Variants in MAML2 observed in about 807,000 individuals in gnomAD.
The protein encoded by MAML2 is mastermind like transcriptional coactivator 2.
MAML2 carries 22 observed loss-of-function variants against 96.1 expected under a neutral mutation model. That is an observed-to-expected ratio of 0.23 (90% CI 0.16 to 0.33). The LOEUF (loss-of-function observed/expected upper bound fraction) is 0.33, where lower values mean the gene tolerates loss of function less well. Ranked by LOEUF, MAML2 falls within the 10% of genes least tolerant of loss-of-function variation. The pLI is 1.00. For synonymous variants in MAML2, 561 were observed against 521.3 expected, an observed-to-expected ratio of 1.08 and a Z score of -1.04; for missense variants, 1,367 against 1,392.4, an observed-to-expected ratio of 0.98 and a Z score of 0.29.
intron 1 of MAML2, among the ~76,000 whole-genome samples, chr11:96,260,388 C>A (rs11828703): frequency 0.015 from 2,352 of 152,308 alleles, 67 homozygotes; most frequent in African/African-American, 0.053. Flanking sequence ...ACTGTCTTAT[C>A]CCTTGGCCGT....
chr11:96,031,640 G>C (rs540905252), intron 2 of MAML2, among the ~76,000 whole-genome samples: 1 of 152,074 alleles, frequency 6.6e-6, no homozygotes, highest in Admixed American at 6.5e-5. Context: ...AGCATGCTTG[G>C]GGTACAGACA....
At chr11:96,263,785 G>A (rs1862784617) in intron 1 of MAML2, among the ~76,000 whole-genome samples, 1 of 152,150 alleles carries the variant, frequency 6.6e-6, no homozygotes, top group African/African-American at 2.4e-5. Flanking sequence ...CAAAGTGGTT[G>A]GTATCATTAA....
intron 4 of MAML2, among the ~76,000 whole-genome samples, chr11:95,984,840 T>TA: frequency 6.6e-6 from 1 of 152,240 alleles, no homozygotes; most frequent in South Asian, 2.1e-4. Context: ...CAGAGCATTT[T>TA]AGACAGTTTT....
At chr11:96,221,365 C>T (rs929041540) in intron 1 of MAML2, among the ~76,000 whole-genome samples, 1 of 152,144 alleles carries the variant, frequency 6.6e-6, no homozygotes, top group Non-Finnish European at 1.5e-5. Context: ...TGGGCCTTTC[C>T]TGTAGTGTGG....
At chr11:96,150,930 A>C (rs1346845801) in intron 1 of MAML2, among the ~76,000 whole-genome samples, 2 of 152,202 alleles carry the variant, frequency 1.3e-5, no homozygotes, top group East Asian at 3.8e-4. Flanking sequence ...ACTTCTTGGC[A>C]ATGCAGCATC....
chr11:96,051,885 C>T (rs143943443), intron 2 of MAML2, among the ~76,000 whole-genome samples: 210 of 152,336 alleles, frequency 1.4e-3, no homozygotes, highest in African/African-American at 4.6e-3. Flanking sequence ...TGACCAGCTT[C>T]CTTGTCCAGT....
rs1168287061 is a variant in MAML2, at chr11:96,128,761, C to A, written c.514-35244G>T. ...GTAGAGTTAGTGACATGTTTCATCACAGGGCAAAATGGCATTTAAGTGATC... is the reference window on the plus strand; with the variant it reads ...GTAGAGTTAGTGACATGTTTCATCAAAGGGCAAAATGGCATTTAAGTGATC... On this transcript the variant is annotated intron_variant, in intron 1 of 4. Coordinates refer to ENST00000524717, the MANE Select transcript of MAML2 (RefSeq NM_032427.4). Among the ~76,000 whole-genome samples, 7 of 152,160 alleles carry A rather than the reference C, an allele frequency of 4.6e-5. No homozygotes were observed. The South Asian group carries it at 8.3e-4, about 18-fold the overall frequency.
At chr11:96,247,527 C>T (rs1862527556) in intron 1 of MAML2, among the ~76,000 whole-genome samples, 1 of 152,084 alleles carries the variant, frequency 6.6e-6, no homozygotes, top group Non-Finnish European at 1.5e-5. Flanking sequence ...TCAATTTTAC[C>T]CTGTTTAAAT....
intron 1 of MAML2, among the ~76,000 whole-genome samples, chr11:96,263,737 G>A (rs991317963): frequency 2.0e-5 from 3 of 152,204 alleles, no homozygotes; most frequent in Non-Finnish European, 4.4e-5. Flanking sequence ...CAGGTATGGA[G>A]GGGGGCTGGT....
chr11:95,994,359 A>G (rs1363683520), intron 2 of MAML2, among the ~76,000 whole-genome samples: 1 of 152,190 alleles, frequency 6.6e-6, no homozygotes, highest in African/African-American at 2.4e-5. Flanking sequence ...CTTTAAATCC[A>G]TCATGAATTT....
chr11:96,003,125 A>G (rs1858123418), intron 2 of MAML2, among the ~76,000 whole-genome samples: 2 of 136,740 alleles, frequency 1.5e-5, no homozygotes, highest in Non-Finnish European at 3.2e-5. Flanking sequence ...GAAGATGATT[A>G]TGGGGATGAG....
intron 1 of MAML2, among the ~76,000 whole-genome samples, chr11:96,229,426 C>T (rs533514996): frequency 6.6e-6 from 1 of 151,262 alleles, no homozygotes; most frequent in African/African-American, 2.4e-5. Flanking sequence ...TTTCACACCC[C>T]TGGAGCCCCA....
At chr11:96,227,324 C>A (rs1417171385) in intron 1 of MAML2, among the ~76,000 whole-genome samples, 1 of 152,126 alleles carries the variant, frequency 6.6e-6, no homozygotes, top group East Asian at 1.9e-4. Context: ...TGATCCATTC[C>A]TTAATATTGC....
At chr11:96,138,622 TG>T (rs371086716) in intron 1 of MAML2, among the ~76,000 whole-genome samples, 2 of 151,812 alleles carry the variant, frequency 1.3e-5, no homozygotes, top group Non-Finnish European at 2.9e-5. Flanking sequence ...GTAAGAAAGA[TG>T]GGGGGGTTGG....
intron 1 of MAML2, among the ~76,000 whole-genome samples, chr11:96,191,204 G>A (rs2135921044): frequency 1.3e-5 from 2 of 152,260 alleles, no homozygotes; most frequent in Admixed American, 6.5e-5. Context: ...AGTGGCTCAC[G>A]ACTGTAATCC....
intron 2 of MAML2, among the ~76,000 whole-genome samples, chr11:95,998,166 G>GTC (rs1266970685): frequency 6.8e-6 from 1 of 147,544 alleles, no homozygotes; most frequent in Admixed American, 6.9e-5. Flanking sequence ...CTGTCTGTCT[G>GTC]TCTGTCTGTC....
At chr11:96,308,782 T>C (rs1863500020) in intron 1 of MAML2, among the ~76,000 whole-genome samples, 1 of 152,242 alleles carries the variant, frequency 6.6e-6, no homozygotes, top group Non-Finnish European at 1.5e-5. Context: ...TTCTTATATG[T>C]CTTCCTATTA....
At chr11:96,154,510 GTCTTA>G (rs1475086309) in intron 1 of MAML2, among the ~76,000 whole-genome samples, 2 of 152,184 alleles carry the variant, frequency 1.3e-5, no homozygotes, top group African/African-American at 4.8e-5. Flanking sequence ...CTTGTAGGCT[GTCTTA>G]TCAGTGCTTA....
chr11:96,205,232 A>T (rs1418071944), intron 1 of MAML2, among the ~76,000 whole-genome samples: 1 of 152,236 alleles, frequency 6.6e-6, no homozygotes, highest in Non-Finnish European at 1.5e-5. Context: ...AGTAACAATT[A>T]TTCAGTCTAC....
Sources: gnomAD v4.1 joint callset for allele counts (sites outside exome capture counted in the v4.1 genomes callset) on GRCh38, gnomAD v4.1.1 for gene constraint, MANE v1.5 for transcripts, NCBI Gene and HGNC (gene_info 2026-07-23, HGNC 2026-07-21) for gene names.